CYSLTR1: variants seen among roughly 807,000 people sequenced by gnomAD.
CYSLTR1 encodes the protein G-protein coupled receptor HG55.
In CYSLTR1, 1 loss-of-function variant was observed where a neutral mutation model predicts 2.1. The ratio of observed to expected loss-of-function variants is 0.48; its 90% CI spans 0.17 to 2.28. CYSLTR1 has a LOEUF of 2.28. CYSLTR1 is among the 30% of genes most tolerant of loss of function. The pLI is 0.26. For synonymous variants in CYSLTR1, 110 were observed against 89.6 expected (o/e 1.23, Z -1.28); for missense variants, 299 against 250.1 (o/e 1.20, Z -1.32).
At chrX:78,309,385 A>G (rs770722357) in intron 1 of CYSLTR1, among the ~76,000 whole-genome samples, 20 of 111,604 alleles carry the variant, frequency 1.8e-4, no homozygotes, top group Non-Finnish European at 3.2e-4. Context: ...GCATAATATG[A>G]AATTTGATTC....
chrX:78,287,357 C>T (rs1346474025), intron 1 of CYSLTR1, among the ~76,000 whole-genome samples: 2 of 111,371 alleles, frequency 1.8e-5, no homozygotes, highest in Non-Finnish European at 3.8e-5. Flanking sequence ...CTGAAATATC[C>T]CAAAAAGACA....
chrX:78,291,695 G>T (rs888375233), intron 1 of CYSLTR1, among the ~76,000 whole-genome samples: 87 of 111,397 alleles, frequency 7.8e-4, no homozygotes, highest in African/African-American at 2.7e-3. Context: ...TCTTGGCAGG[G>T]TGTATGTGTC....
At chrX:78,311,179 T>C (rs1923207372) in intron 1 of CYSLTR1, among the ~76,000 whole-genome samples, 1 of 111,087 alleles carries the variant, frequency 9.0e-6, no homozygotes, top group South Asian at 3.8e-4. Flanking sequence ...GAAAAAGAAA[T>C]GGGCTGCAGT....
chrX:78,302,297 C>A (rs1389526184), intron 1 of CYSLTR1, among the ~76,000 whole-genome samples: 2 of 112,337 alleles, frequency 1.8e-5, no homozygotes, highest in African/African-American at 3.2e-5. Context: ...CTTGGACTCA[C>A]CCTGCATGGC....
intron 2 of CYSLTR1, among the ~76,000 whole-genome samples, chrX:78,281,537 T>G (rs1921844614): frequency 9.0e-6 from 1 of 111,417 alleles, no homozygotes; most frequent in Admixed American, 9.6e-5. Context: ...CCTCCCAAAG[T>G]GCTGGGATTA....
chrX:78,277,140 C>A (rs964890187), intron 2 of CYSLTR1, among the ~76,000 whole-genome samples: 7 of 111,192 alleles, frequency 6.3e-5, no homozygotes, highest in Admixed American at 1.9e-4. Flanking sequence ...GTTACACATA[C>A]CCCAAGGATC....
At chrX:78,323,013 T>A (rs1460616403) in intron 1 of CYSLTR1, among the ~76,000 whole-genome samples, 2 of 111,542 alleles carry the variant, frequency 1.8e-5, no homozygotes, top group Non-Finnish European at 3.8e-5. Flanking sequence ...TGTAATCAGA[T>A]TAAAAGGATG....
chrX:78,283,046 TG>T (rs1007982624), intron 2 of CYSLTR1, among the ~76,000 whole-genome samples: 10 of 112,390 alleles, frequency 8.9e-5, no homozygotes, highest in Non-Finnish European at 5.6e-5. Flanking sequence ...AATCCTAGAA[TG>T]GTAGAGATCA....
chrX:78,291,845 C>A (rs1603410396), intron 1 of CYSLTR1, among the ~76,000 whole-genome samples: 1 of 106,350 alleles, frequency 9.4e-6, no homozygotes, highest in Admixed American at 1.0e-4. Flanking sequence ...CTATTTGATT[C>A]TTCTCTCTTT....
At chrX:78,305,602 T>G (rs747420022) in intron 1 of CYSLTR1, among the ~76,000 whole-genome samples, 51 of 112,535 alleles carry the variant, frequency 4.5e-4, no homozygotes, top group Non-Finnish European at 8.6e-4. Context: ...TAAGATTTAT[T>G]CATCTTGCTT....
rs763593700 is a variant in CYSLTR1 at position 78,324,446 on chromosome X, C to T, written c.-115+2859G>A. Reference sequence around the variant, plus strand: ...GCAGTGGCGCGATCTCGGCTCACTGCGACCTCCACCACCCGGGTTCAAGCG... The same window carrying T: ...GCAGTGGCGCGATCTCGGCTCACTGTGACCTCCACCACCCGGGTTCAAGCG... On this transcript the variant is annotated intron_variant, in intron 1 of 2. Transcript: ENST00000373304. Among the ~76,000 whole-genome samples the T allele has an allele frequency of 2.0e-4, 22 of 111,873 alleles. No individual in the cohort carries two copies. The East Asian group carries it at 2.5e-3, about 13-fold the overall frequency.
chrX:78,284,494 G>T (rs1921971308), intron 1 of CYSLTR1, among the ~76,000 whole-genome samples: 1 of 111,129 alleles, frequency 9.0e-6, no homozygotes, highest in African/African-American at 3.3e-5. Flanking sequence ...TCCGCCTCCC[G>T]GGTTCAAGCA....
chrX:78,277,233 T>C (rs1921631038), intron 2 of CYSLTR1, among the ~76,000 whole-genome samples: 1 of 110,503 alleles, frequency 9.0e-6, no homozygotes, highest in Non-Finnish European at 1.9e-5. Context: ...AGGGTAGGGG[T>C]AGTATGATCT....
rs58218594 is a variant in CYSLTR1 at position 78,318,039 on chromosome X, A to G, written c.-115+9266T>C. ...ACACAGTAACCCCATTACTGGGTAT[A>G]TACCTGAAGGAATATAAATTCTTCT... is the stretch of plus-strand genomic sequence containing the variant. On this transcript the variant is annotated intron_variant, in intron 1 of 2. Coordinates refer to ENST00000373304, the MANE Select transcript of CYSLTR1 (RefSeq NM_006639.4). Among the ~76,000 whole-genome samples the G allele has an allele frequency of 1.2e-4, 13 of 112,521 alleles. No homozygotes were observed. The East Asian group carries it at 3.6e-3, about 31-fold the overall frequency.
chrX:78,308,187 C>T (rs1326842976), intron 1 of CYSLTR1, among the ~76,000 whole-genome samples: 2 of 111,646 alleles, frequency 1.8e-5, no homozygotes, highest in Non-Finnish European at 3.8e-5. Context: ...TTACATTCCT[C>T]TTAGAAATAC....
intron 1 of CYSLTR1, among the ~76,000 whole-genome samples, 188 bp from the exon 2 acceptor site, chrX:78,283,728 AG>A (rs943435458): frequency 6.3e-5 from 7 of 111,916 alleles, no homozygotes; most frequent in African/African-American, 1.9e-4. Context: ...TTACAGTCCC[AG>A]GGGGAAACTT....
chrX:78,285,213 A>G (rs1188166059), intron 1 of CYSLTR1, among the ~76,000 whole-genome samples: 1 of 110,476 alleles, frequency 9.1e-6, no homozygotes, highest in African/African-American at 3.3e-5. Flanking sequence ...CGGGCGGATC[A>G]CGAGGTCAGG....
chrX:78,323,318 G>C (rs1358740350), intron 1 of CYSLTR1, among the ~76,000 whole-genome samples: 1 of 111,861 alleles, frequency 8.9e-6, no homozygotes, highest in African/African-American at 3.2e-5. Context: ...CTATCATCTT[G>C]GCATTTAGAT....
intron 1 of CYSLTR1, among the ~76,000 whole-genome samples, chrX:78,303,473 C>T (rs780217309): frequency 5.5e-5 from 6 of 109,014 alleles, no homozygotes; most frequent in African/African-American, 6.7e-5. Flanking sequence ...TGTGTGTGGG[C>T]GCAATCAGTG....
Sources: allele counts gnomAD v4.1 joint callset (sites outside exome capture counted in the v4.1 genomes callset), GRCh38; gene constraint gnomAD v4.1.1; transcripts MANE v1.5; gene names NCBI Gene and HGNC (gene_info 2026-07-23, HGNC 2026-07-21).